Variants in SLC5A4 observed in about 807,000 individuals in gnomAD.
The protein encoded by SLC5A4 is probable glucose sensor protein SLC5A4.
In SLC5A4, 55 loss-of-function variants were observed where a neutral mutation model predicts 70.3. The ratio of observed to expected loss-of-function variants is 0.78; its 90% CI spans 0.63 to 0.98. SLC5A4 has a LOEUF of 0.98. Ranked by LOEUF, SLC5A4 falls within the 50% of genes least tolerant of loss-of-function variation. SLC5A4 has a pLI of 0.00. For missense variants in SLC5A4, 735 were observed against 839.2 expected (o/e 0.88, Z 1.53); for synonymous variants, 268 against 305.7 (o/e 0.88, Z 1.29).
chr22:32,293,491 T>C, the SLC5A4 span, among the ~76,000 whole-genome samples: 1 of 152,134 alleles, frequency 6.6e-6, no homozygotes, highest in East Asian at 1.9e-4. Flanking sequence ...ACAAAATGCA[T>C]CCGTAACATA....
At chr22:32,330,600 A>T in the SLC5A4 span, among the ~76,000 whole-genome samples, 113,477 of 114,142 alleles carry the variant, frequency 0.99, 56,407 homozygotes, top group Middle Eastern at 1. Flanking sequence ...GTGTGTGTGT[A>T]GGAAACTGTT....
At chr22:32,306,720 AG>A in the SLC5A4 span, among the ~76,000 whole-genome samples, 1 of 152,072 alleles carries the variant, frequency 6.6e-6, no homozygotes. Flanking sequence ...CTTTTGTGGG[AG>A]GTCTCCTGCC....
At chr22:32,307,762 A>G in the SLC5A4 span, among the ~76,000 whole-genome samples, 2 of 152,212 alleles carry the variant, frequency 1.3e-5, no homozygotes, top group African/African-American at 4.8e-5. Context: ...CGGAGGGGAC[A>G]GGGCATGGCC....
chr22:32,306,124 G>A, the SLC5A4 span, among the ~76,000 whole-genome samples: 1 of 152,210 alleles, frequency 6.6e-6, no homozygotes, highest in Non-Finnish European at 1.5e-5. Context: ...CTAGGGAACA[G>A]TTGACATGAC....
the SLC5A4 span, among the ~76,000 whole-genome samples, chr22:32,335,009 G>T: frequency 6.6e-6 from 1 of 152,182 alleles, no homozygotes; most frequent in Non-Finnish European, 1.5e-5. Flanking sequence ...TGCTGGGCAG[G>T]GAGAGAGCGG....
intron 11 of SLC5A4, among the ~76,000 whole-genome samples, chr22:32,228,488 A>G (rs1208039154): frequency 6.6e-6 from 1 of 151,850 alleles, no homozygotes; most frequent in Non-Finnish European, 1.5e-5. Flanking sequence ...GTTCCAGTGA[A>G]CTGGGAGCAT....
In SLC5A4 at chr22:32,247,529, C is replaced by T. The variant is rs370592407; in HGVS notation, c.373-14G>A. 8.2e-5 allele frequency: 129 copies of T among 1,572,064 alleles called. No individual in the cohort carries two copies. In the African/African-American group the frequency reaches 1.4e-3, roughly 17 times the overall value. Reference sequence around the variant, plus strand: ...CATGGTCATCACCTGCAGAGACAGACATTGACAGGGACTTAACTTACCCTT... The same window carrying T: ...CATGGTCATCACCTGCAGAGACAGATATTGACAGGGACTTAACTTACCCTT... On this transcript the variant is annotated splice_polypyrimidine_tract_variant and intron_variant, in intron 4 of 14. Coordinates refer to ENST00000266086, the MANE Select transcript of SLC5A4 (RefSeq NM_014227.3).
At chr22:32,269,865 G>A in the SLC5A4 span, 2 of 605,104 alleles carry the variant, frequency 3.3e-6, no homozygotes, top group East Asian at 8.3e-5. This position sits in a 1 kb window ranked among gnomAD's most constrained non-coding sequence, Gnocchi z 4.1. Context: ...CATCACCGAT[G>A]GCATGCGTAG....
At chr22:32,349,006 T>C in the SLC5A4 span, among the ~76,000 whole-genome samples, 1 of 152,192 alleles carries the variant, frequency 6.6e-6, no homozygotes, top group Admixed American at 6.5e-5. Context: ...AGACAGAGTC[T>C]TGCTCTGTCG....
the SLC5A4 span, among the ~76,000 whole-genome samples, chr22:32,350,540 C>T: frequency 6.6e-6 from 1 of 152,124 alleles, no homozygotes; most frequent in Non-Finnish European, 1.5e-5. Flanking sequence ...TTAAAGGAGA[C>T]TGTGATGCCT....
At chr22:32,247,689 G>A (rs1215083646) in intron 4 of SLC5A4, among the ~76,000 whole-genome samples, 174 bp from the exon 5 acceptor site, 1 of 152,172 alleles carries the variant, frequency 6.6e-6, no homozygotes, top group Non-Finnish European at 1.5e-5. Context: ...CACAGTGACT[G>A]GCAGAGGGTG....
chr22:32,292,118 TAC>T, the SLC5A4 span, among the ~76,000 whole-genome samples: 1 of 104,892 alleles, frequency 9.5e-6, no homozygotes, highest in South Asian at 3.3e-4. Context: ...TAATATATAA[TAC>T]ATATACTAGA....
the SLC5A4 span, chr22:32,271,862 G>A: frequency 3.3e-6 from 2 of 603,902 alleles, no homozygotes; most frequent in Non-Finnish European, 6.4e-6. Flanking sequence ...GTGCTGCACG[G>A]TCCACTGTGT....
At chr22:32,259,932 G>A (rs917626500), upstream of SLC5A4, among the ~76,000 whole-genome samples, 6 of 152,236 alleles carry the variant, frequency 3.9e-5, no homozygotes, top group Admixed American at 3.9e-4. Flanking sequence ...GCGGTGGGAT[G>A]ATTGTGGGTA....
the SLC5A4 span, among the ~76,000 whole-genome samples, chr22:32,302,645 CTATT>C: frequency 6.6e-6 from 1 of 152,156 alleles, no homozygotes; most frequent in African/African-American, 2.4e-5. Flanking sequence ...ATGTGTGGGT[CTATT>C]TAAGTTCTCT....
the SLC5A4 span, among the ~76,000 whole-genome samples, chr22:32,283,465 T>A: frequency 6.6e-6 from 1 of 152,218 alleles, no homozygotes; most frequent in Non-Finnish European, 1.5e-5. Flanking sequence ...TCTCCATCAC[T>A]TGCTTAAGTC....
chr22:32,307,312 T>C, the SLC5A4 span, among the ~76,000 whole-genome samples: 18,274 of 152,196 alleles, frequency 0.12, 1,491 homozygotes, highest in Non-Finnish European at 0.18. Context: ...GCATCAGCTG[T>C]TGGCCAGGGG....
chr22:32,263,405 CA>C, the SLC5A4 span, among the ~76,000 whole-genome samples: 1 of 152,154 alleles, frequency 6.6e-6, no homozygotes, highest in East Asian at 1.9e-4. Context: ...TCCTTAGAAA[CA>C]TGCAGTCTAC....
chr22:32,336,823 G>A, the SLC5A4 span, among the ~76,000 whole-genome samples: 1 of 152,258 alleles, frequency 6.6e-6, no homozygotes, highest in Non-Finnish European at 1.5e-5. Flanking sequence ...TCACTGGACA[G>A]AGTTCCTTAA....
Sources: allele counts gnomAD v4.1 joint callset (sites outside exome capture counted in the v4.1 genomes callset), GRCh38; gene constraint gnomAD v4.1.1; non-coding constraint Gnocchi (gnomAD v3.1); transcripts MANE v1.5; gene names NCBI Gene and HGNC (gene_info 2026-07-23, HGNC 2026-07-21).